The following RGS6 variants were observed in gnomAD, a reference collection of about 807,000 sequenced individuals.
The protein encoded by RGS6 is regulator of G protein signaling 6, also known as regulator of G-protein signaling 6.
RGS6 carries 30 observed loss-of-function variants against 78.5 expected under a neutral mutation model. That is an observed-to-expected ratio of 0.38 (90% CI 0.29 to 0.52). The LOEUF (loss-of-function observed/expected upper bound fraction) is 0.52, where lower values mean the gene tolerates loss of function less well. RGS6 is among the 20% of genes least tolerant of loss of function. The probability of loss-of-function intolerance (pLI) is 0.85; values close to 1 mark genes in which losing one functional copy is unlikely to be tolerated. For synonymous variants in RGS6, 206 were observed against 206.0 expected, an observed-to-expected ratio of 1.00 and a Z score of 0.00; for missense variants, 495 against 609.7, an observed-to-expected ratio of 0.81 and a Z score of 1.98.
intron 3 of RGS6, among the ~76,000 whole-genome samples, chr14:72,371,434 T>G (rs999952802): frequency 1.3e-5 from 2 of 152,176 alleles, no homozygotes; most frequent in African/African-American, 4.8e-5. Flanking sequence ...AAACCCCTAA[T>G]TGTACTCTAA....
At chr14:72,293,505 C>T (rs1247546446) in intron 2 of RGS6, among the ~76,000 whole-genome samples, 2 of 152,090 alleles carry the variant, frequency 1.3e-5, no homozygotes, top group African/African-American at 4.8e-5. Context: ...TTCCCACTTC[C>T]TCTCTCCTCC....
chr14:72,067,685 AAAAT>A (rs2094216319), intron 2 of RGS6, among the ~76,000 whole-genome samples: 2 of 149,998 alleles, frequency 1.3e-5, no homozygotes, highest in South Asian at 2.1e-4. Flanking sequence ...AAAACTTAAA[AAAAT>A]AAAATAAAAT....
Position 72,154,992 on chromosome 14 carries a change from C to T in RGS6, c.84+190117C>T, listed in dbSNP as rs1014213645. 7.2e-5 allele frequency among the ~76,000 whole-genome samples: 11 copies of T among 152,318 alleles called. No individual in the cohort carries two copies. The East Asian group carries it at 1.2e-3, about 16-fold the overall frequency. On this transcript the variant is annotated intron_variant, in intron 2 of 17. Coordinates refer to ENST00000553525, the MANE Select transcript of RGS6 (RefSeq NM_001204424.2). ...GAATCCCTGAGAGAATTCAGTCCTC[C>T]GTATGAAGGTGATCCAGAGTGAAGT...
rs1361969539 is a variant in RGS6 at position 72,562,877 on chromosome 14, T to C, written c.*410T>C. The stretch of plus-strand genomic sequence containing the variant: ...CACCTTCTGGCAAATTCAAGAGGCA[T>C]GAGTGGACCGAGAGCACATCCAGCA... On this transcript the variant is annotated 3_prime_UTR_variant, in exon 18 of 18. Transcript: ENST00000553525. 3 of 878,216 alleles carry C rather than the reference T, an allele frequency of 3.4e-6. No homozygotes were observed. The highest frequency in any genetic ancestry group is 5.5e-6 in the Non-Finnish European group (3 of 550,018). The allele number at this position is 878,216 out of a possible 1,614,324, so 54.4% of individuals were successfully genotyped here.
chr14:72,423,159 A>G (rs555948431), intron 3 of RGS6, among the ~76,000 whole-genome samples: 2 of 152,352 alleles, frequency 1.3e-5, no homozygotes, highest in East Asian at 1.9e-4. Context: ...TGTTGAATAT[A>G]GTGAGGAATA....
At chr14:72,464,284 C>G (rs1331695022) in intron 6 of RGS6, among the ~76,000 whole-genome samples, 1 of 152,192 alleles carries the variant, frequency 6.6e-6, no homozygotes, top group African/African-American at 2.4e-5. Flanking sequence ...AAGCAACACT[C>G]TCTCTCTTTT....
chr14:72,162,334 A>G lies in RGS6; in HGVS notation c.85-189761A>G, dbSNP rs79527234. ...AAAGAGTGGACCCTGACCCACCTCT[A>G]TTCCCTGCTGGGCCATCTGGAAGGA... On this transcript the variant is annotated intron_variant, in intron 2 of 17. Transcript: ENST00000553525. 6.7e-3 allele frequency among the ~76,000 whole-genome samples: 1,020 copies of G among 152,314 alleles called. 4 individuals are homozygous for G. Among genetic ancestry groups the G allele is most frequent in the Non-Finnish European group, 0.011 (729 of 68,010 alleles).
At chr14:72,475,830 G>GCACACACACACACACACACGCACACA (rs1555424336) in intron 10 of RGS6, among the ~76,000 whole-genome samples, 2,499 of 145,568 alleles carry the variant, frequency 0.017, 46 homozygotes, top group African/African-American at 0.036. Flanking sequence ...AAAAATACAC[G>GCACACACACACACACACACGCACACA]CACACACACA....
At chr14:72,137,759 C>T (rs1479627731) in intron 2 of RGS6, among the ~76,000 whole-genome samples, 1 of 152,232 alleles carries the variant, frequency 6.6e-6, no homozygotes, top group Non-Finnish European at 1.5e-5. Context: ...ACCCTTTGGG[C>T]ACATGGATGA....
At chr14:71,973,133 G>A (rs1205427216) in intron 2 of RGS6, among the ~76,000 whole-genome samples, 2 of 152,070 alleles carry the variant, frequency 1.3e-5, no homozygotes, top group Non-Finnish European at 2.9e-5. Flanking sequence ...TGAAGTAAGG[G>A]GTTAGCTATG....
intron 2 of RGS6, among the ~76,000 whole-genome samples, chr14:72,312,386 G>A (rs1280943230): frequency 6.6e-6 from 1 of 152,118 alleles, no homozygotes; most frequent in African/African-American, 2.4e-5. Context: ...AGAGAGCTAT[G>A]AAGTGGCTAA....
chr14:72,504,706 TCTCCCCTCCTCTCCC>T (rs1181195427), intron 13 of RGS6, among the ~76,000 whole-genome samples: 4 of 148,780 alleles, frequency 2.7e-5, no homozygotes, highest in East Asian at 3.9e-4. Context: ...TTTAGGTTCC[TCTCCCCTCCTCTCCC>T]CTCCCCTCCT....
chr14:72,601,570 A>C, the RGS6 span, among the ~76,000 whole-genome samples: 3 of 152,248 alleles, frequency 2.0e-5, no homozygotes, highest in Non-Finnish European at 4.4e-5. Context: ...GTATTTCAAA[A>C]GAGCTAGAGG....
rs72737862 is a variant in RGS6, at chr14:72,077,236, A to G, written c.84+112361A>G. 7.6e-3 allele frequency among the ~76,000 whole-genome samples: 1,150 copies of G among 152,116 alleles called. 4 individuals carry two copies. The highest frequency in any genetic ancestry group is 0.012 in the Non-Finnish European group (798 of 67,972). On this transcript the variant is annotated intron_variant, in intron 2 of 17. Coordinates refer to ENST00000553525, the MANE Select transcript of RGS6 (RefSeq NM_001204424.2). ...ACCTTTCCATATCTTTATTGTACTA[A>G]TGTGTATGAATTCCATCTTAATAGT...
rs1281009110 is a variant in RGS6 at position 72,527,874 on chromosome 14, AG to A, written c.1279-8310del. Among the ~76,000 whole-genome samples the A allele has an allele frequency of 3.9e-5, 6 of 152,190 alleles. No individual in the cohort carries two copies. The East Asian group carries it at 1.2e-3, about 29-fold the overall frequency. On this transcript the variant is annotated intron_variant, in intron 15 of 17. Transcript: ENST00000553525. ...GTCTGGATGTGATTCTAGGCAGCTT[AG>A]GTATGGAGGGCAGAGATGAGGCACA...
At chr14:72,484,498 T>C (rs2096450670) in intron 12 of RGS6, among the ~76,000 whole-genome samples, 1 of 152,168 alleles carries the variant, frequency 6.6e-6, no homozygotes, top group Non-Finnish European at 1.5e-5. Context: ...CAGCATTTCT[T>C]CTTCCTCCAA....
intron 2 of RGS6, among the ~76,000 whole-genome samples, chr14:72,076,199 C>G (rs772568978): frequency 6.6e-6 from 1 of 152,186 alleles, no homozygotes; most frequent in Non-Finnish European, 1.5e-5. Context: ...GCACCTTAGC[C>G]TGTTCTTCAC....
At chr14:71,988,021 G>A (rs561298376) in intron 2 of RGS6, among the ~76,000 whole-genome samples, 15 of 152,036 alleles carry the variant, frequency 9.9e-5, no homozygotes, top group Middle Eastern at 3.4e-3. Context: ...CTCTCTTTCC[G>A]TCATTTTCCA....
intron 2 of RGS6, among the ~76,000 whole-genome samples, chr14:72,269,123 CT>C (rs2059518619): frequency 1.4e-5 from 1 of 73,430 alleles, no homozygotes; most frequent in African/African-American, 4.6e-5. Context: ...TACCCAGAAT[CT>C]ATTACCTCCG....
Sources: gnomAD v4.1 joint callset for allele counts (sites outside exome capture counted in the v4.1 genomes callset) on GRCh38, gnomAD v4.1.1 for gene constraint, MANE v1.5 for transcripts, NCBI Gene and HGNC (gene_info 2026-07-23, HGNC 2026-07-21) for gene names.